The following PDE3A variants were observed in gnomAD, a reference collection of about 807,000 sequenced individuals.
The protein encoded by PDE3A is phosphodiesterase 3A.
A neutral mutation model predicts 98.3 loss-of-function variants in PDE3A; 43 were observed. The observed-to-expected ratio is 0.44, with a 90% CI of 0.34 to 0.56. The LOEUF is 0.56. PDE3A is among the 20% of genes least tolerant of loss of function. PDE3A has a pLI of 0.01. For missense variants in PDE3A, 1,427 were observed against 1,440.7 expected (o/e 0.99, Z 0.15); for synonymous variants, 663 against 567.9 (o/e 1.17, Z -2.38).
rs536427667 is a variant in PDE3A, at chr12:20,544,913, T to C, written c.961-11747T>C. Among the ~76,000 whole-genome samples the C allele has an allele frequency of 4.7e-4, 72 of 152,154 alleles. 1 individual carries two copies. Among genetic ancestry groups the C allele is most frequent in the Non-Finnish European group, 9.0e-4 (61 of 67,922 alleles). Reference sequence around the variant, plus strand: ...CTATAATCACATACTTCTAGAAATATTTCATCTGAGTTCCTTTAAAACTTC... The same window carrying C: ...CTATAATCACATACTTCTAGAAATACTTCATCTGAGTTCCTTTAAAACTTC... On this transcript the variant is annotated intron_variant, in intron 1 of 15. Coordinates refer to ENST00000359062, the MANE Select transcript of PDE3A (RefSeq NM_000921.5).
At chr12:20,460,547 C>A (rs1158048056) in intron 1 of PDE3A, among the ~76,000 whole-genome samples, 1 of 152,118 alleles carries the variant, frequency 6.6e-6, no homozygotes, top group South Asian at 2.1e-4. Flanking sequence ...TCAGATAAAT[C>A]TTTAAGCTTT....
At chr12:20,511,996 C>T (rs534951745) in intron 1 of PDE3A, among the ~76,000 whole-genome samples, 1 of 151,882 alleles carries the variant, frequency 6.6e-6, no homozygotes, top group African/African-American at 2.4e-5. Context: ...AGAATATACA[C>T]GACTAGCATT....
chr12:20,559,273 C>T (rs1174202034), intron 2 of PDE3A, among the ~76,000 whole-genome samples: 3 of 151,878 alleles, frequency 2.0e-5, no homozygotes, highest in African/African-American at 7.3e-5. Context: ...CAGCATATAG[C>T]CTAGGTGTAT....
intron 5 of PDE3A, among the ~76,000 whole-genome samples, chr12:20,625,088 T>A (rs538592794): frequency 5.9e-5 from 9 of 152,338 alleles, no homozygotes; most frequent in Non-Finnish European, 5.9e-5. Flanking sequence ...TGAAATCTGT[T>A]CTTTGCGCAA....
intron 1 of PDE3A, among the ~76,000 whole-genome samples, chr12:20,513,234 A>C (rs1010328323): frequency 6.6e-6 from 1 of 152,174 alleles, no homozygotes; most frequent in Non-Finnish European, 1.5e-5. Flanking sequence ...TTATATTTCT[A>C]ATATAAATTT....
intron 12 of PDE3A, among the ~76,000 whole-genome samples, chr12:20,647,986 G>A (rs191947018): frequency 1.5e-3 from 227 of 151,672 alleles, no homozygotes; most frequent in African/African-American, 5.1e-3. Flanking sequence ...TTGCACACTA[G>A]TGTTCAGGCA....
At chr12:20,540,477 C>G (rs1941864988) in intron 1 of PDE3A, among the ~76,000 whole-genome samples, 1 of 152,002 alleles carries the variant, frequency 6.6e-6, no homozygotes, top group Non-Finnish European at 1.5e-5. Flanking sequence ...AGAATATTAT[C>G]TTGGGCATAT....
intron 1 of PDE3A, among the ~76,000 whole-genome samples, chr12:20,546,076 C>T (rs1942048867): frequency 6.6e-6 from 1 of 151,854 alleles, no homozygotes; most frequent in African/African-American, 2.4e-5. Context: ...CTGATGTGGT[C>T]TTCTAGTTTG....
chr12:20,466,985 A>G (rs1309737989), intron 1 of PDE3A, among the ~76,000 whole-genome samples: 2 of 152,180 alleles, frequency 1.3e-5, no homozygotes, highest in African/African-American at 2.4e-5. Context: ...AAATAAGCAC[A>G]TATTTTATTT....
intron 15 of PDE3A, among the ~76,000 whole-genome samples, chr12:20,666,361 C>G (rs112600790): frequency 7.2e-5 from 11 of 152,254 alleles, no homozygotes; most frequent in African/African-American, 2.2e-4. Flanking sequence ...ACTCTGCTAT[C>G]GAAGAACTTA....
chr12:20,419,700 A>G (rs960179792), intron 1 of PDE3A, among the ~76,000 whole-genome samples: 16 of 151,230 alleles, frequency 1.1e-4, no homozygotes, highest in African/African-American at 3.9e-4. Flanking sequence ...AATTTATTTT[A>G]AATTATATGA....
Position 20,369,992 on chromosome 12 carries a change from G to A in PDE3A, c.708G>A (p.Trp236Ter), listed in dbSNP as rs759311197. ...LISLERFKVA[W>*]RPYLAYLAGV... ...CCTTAGAGAGGTTCAAGGTCGCCTGGAGACCTTACCTGGCGTACCTGGCCG... is the reference window on the plus strand; with the variant it reads ...CCTTAGAGAGGTTCAAGGTCGCCTGAAGACCTTACCTGGCGTACCTGGCCG... The change falls in exon 1 of 16, where the codon TGG (tryptophan) becomes TGA (stop). Residue 236 changes from tryptophan to a stop codon, truncating the protein, a stop_gained. Coordinates refer to ENST00000359062, the MANE Select transcript of PDE3A (RefSeq NM_000921.5). LOFTEE classifies it high-confidence loss of function. 2 of 1,613,110 alleles carry A rather than the reference G, an allele frequency of 1.2e-6. No homozygotes were observed. The highest frequency in any genetic ancestry group is 1.7e-5 in the Admixed American group (1 of 60,004).
chr12:20,581,219 C>T (rs1943054735), intron 2 of PDE3A, among the ~76,000 whole-genome samples: 1 of 152,124 alleles, frequency 6.6e-6, no homozygotes, highest in South Asian at 2.1e-4. Context: ...ATGACGAATG[C>T]ATTAAATTAG....
chr12:20,580,756 T>G (rs758515678), intron 2 of PDE3A, among the ~76,000 whole-genome samples: 1 of 152,220 alleles, frequency 6.6e-6, no homozygotes, highest in Non-Finnish European at 1.5e-5. Context: ...GAGGAATAAA[T>G]GTACAGCCTA....
chr12:20,380,139 C>G (rs1469992244), intron 1 of PDE3A, among the ~76,000 whole-genome samples: 1 of 151,834 alleles, frequency 6.6e-6, no homozygotes, highest in Non-Finnish European at 1.5e-5. Context: ...AGTCTGCATT[C>G]TTGTTAGAGG....
At chr12:20,595,076 A>T (rs1286455841) in intron 2 of PDE3A, among the ~76,000 whole-genome samples, 1 of 152,140 alleles carries the variant, frequency 6.6e-6, no homozygotes, top group African/African-American at 2.4e-5. Flanking sequence ...CAATAAAGAG[A>T]TGTTATTATT....
chr12:20,603,094 G>GAGAC (rs1203101883), intron 2 of PDE3A, among the ~76,000 whole-genome samples: 1 of 152,186 alleles, frequency 6.6e-6, no homozygotes, highest in African/African-American at 2.4e-5. Flanking sequence ...GATGTAGGAG[G>GAGAC]AGACAGCTTC....
chr12:20,541,010 A>G (rs1462010819), intron 1 of PDE3A, among the ~76,000 whole-genome samples: 2 of 151,298 alleles, frequency 1.3e-5, no homozygotes, highest in African/African-American at 2.4e-5. Flanking sequence ...ATATATAATC[A>G]AAAAACCAAG....
chr12:20,562,954 T>TATCA (rs1489048770), intron 2 of PDE3A, among the ~76,000 whole-genome samples: 5 of 152,328 alleles, frequency 3.3e-5, no homozygotes, highest in African/African-American at 9.6e-5. Flanking sequence ...CACACTAGAC[T>TATCA]ATCATCAGTA....
Sources: gnomAD v4.1 joint callset for allele counts (sites outside exome capture counted in the v4.1 genomes callset) on GRCh38, gnomAD v4.1.1 for gene constraint, MANE v1.5 for transcripts, NCBI Gene and HGNC (gene_info 2026-07-23, HGNC 2026-07-21) for gene names.